The following GLIS1 variants were observed in gnomAD, a reference collection of about 807,000 sequenced individuals.
GLIS1 encodes zinc finger protein GLIS1.
A neutral mutation model predicts 63.8 loss-of-function variants in GLIS1; 24 were observed. That is an observed-to-expected ratio of 0.38 (90% CI 0.27 to 0.53). GLIS1 has a LOEUF of 0.53. Among genes scored for constraint, GLIS1 ranks in the 20% least tolerant of loss-of-function variants. The pLI is 0.85. For synonymous variants in GLIS1, 450 were observed against 482.5 expected, an observed-to-expected ratio of 0.93 and a Z score of 0.88; for missense variants, 1,036 against 1,074.1, an observed-to-expected ratio of 0.96 and a Z score of 0.50.
At chr1:53,566,907 C>A (rs1409431417) in intron 4 of GLIS1, among the ~76,000 whole-genome samples, 3 of 152,144 alleles carry the variant, frequency 2.0e-5, no homozygotes, top group Non-Finnish European at 2.9e-5. Flanking sequence ...TTAGGAAGTT[C>A]TTTATAGCAG....
At chr1:53,612,915 T>C in intron 2 of GLIS1, among the ~76,000 whole-genome samples, 1 of 151,528 alleles carries the variant, frequency 6.6e-6, no homozygotes, top group African/African-American at 2.4e-5. Flanking sequence ...GCCTCCCAGG[T>C]TTACACCATT....
intron 2 of GLIS1, among the ~76,000 whole-genome samples, chr1:53,607,084 A>C (rs1164395929): frequency 1.3e-5 from 2 of 151,440 alleles, no homozygotes; most frequent in Non-Finnish European, 2.9e-5. Context: ...ACTGCTAGCA[A>C]AATCACACAT....
intron 4 of GLIS1, among the ~76,000 whole-genome samples, chr1:53,541,992 G>A (rs1345512617): frequency 1.3e-5 from 2 of 152,250 alleles, no homozygotes; most frequent in South Asian, 4.1e-4. Context: ...AGCTAAGGAA[G>A]GGGGAGGGCC....
intron 2 of GLIS1, among the ~76,000 whole-genome samples, chr1:53,722,373 T>C (rs1367700990): frequency 6.6e-6 from 1 of 152,218 alleles, no homozygotes. Flanking sequence ...TGAACTATTA[T>C]GCACATGCAA....
At chr1:53,527,596 G>A (rs1368624337) in intron 5 of GLIS1, among the ~76,000 whole-genome samples, 2 of 152,352 alleles carry the variant, frequency 1.3e-5, no homozygotes, top group East Asian at 1.9e-4. Context: ...AAACTTTCCC[G>A]CCCATGGAGA....
intron 2 of GLIS1, among the ~76,000 whole-genome samples, chr1:53,607,111 A>G (rs1645378523): frequency 7.6e-6 from 1 of 130,844 alleles, no homozygotes; most frequent in African/African-American, 2.8e-5. Context: ...TGTAGAAAAA[A>G]TCAGAAGGTG....
At chr1:53,622,064 A>C (rs1295812878) in intron 2 of GLIS1, among the ~76,000 whole-genome samples, 1 of 151,882 alleles carries the variant, frequency 6.6e-6, no homozygotes, top group Non-Finnish European at 1.5e-5. Flanking sequence ...GGGATTACAG[A>C]CGTGCCACTG....
At chr1:53,736,457 G>A (rs1646913482) in intron 2 of GLIS1, among the ~76,000 whole-genome samples, 2 of 152,172 alleles carry the variant, frequency 1.3e-5, no homozygotes, top group African/African-American at 4.8e-5. Context: ...ATCTATTTAA[G>A]GGAGGATTGT....
chr1:53,654,245 G>T (rs1019932523), intron 2 of GLIS1, among the ~76,000 whole-genome samples: 1 of 152,338 alleles, frequency 6.6e-6, no homozygotes, highest in South Asian at 2.1e-4. Flanking sequence ...AGCAGCGAAC[G>T]AGATCAACAA....
At chr1:53,718,650 G>A (rs1197870904) in intron 2 of GLIS1, among the ~76,000 whole-genome samples, 1 of 151,924 alleles carries the variant, frequency 6.6e-6, no homozygotes, top group East Asian at 1.9e-4. Context: ...CCACACCACT[G>A]CCACTGTCCT....
rs985114149 is a variant in GLIS1 at position 53,687,845 on chromosome 1, G to C, written c.259+49961C>G. Among the ~76,000 whole-genome samples, 9 of 152,292 alleles carry C rather than the reference G, an allele frequency of 5.9e-5. No homozygotes were observed. In the East Asian group the frequency reaches 1.7e-3, roughly 29 times the overall value. ...GTGACAACTGCTCCCACTTGTGCAG[G>C]CTCCCAGGCACAGGTGCTTGACCTC... On this transcript the variant is annotated intron_variant, in intron 2 of 10. Coordinates refer to ENST00000628545, the MANE Select transcript of GLIS1 (RefSeq NM_001367484.1).
chr1:53,657,564 C>A (rs997189734), intron 2 of GLIS1, among the ~76,000 whole-genome samples: 1 of 152,114 alleles, frequency 6.6e-6, no homozygotes, highest in African/African-American at 2.4e-5. Context: ...GAGCCCTGAG[C>A]TACCACGTGA....
intron 4 of GLIS1, among the ~76,000 whole-genome samples, chr1:53,573,357 G>A (rs1645001743): frequency 6.6e-6 from 1 of 152,016 alleles, no homozygotes; most frequent in Non-Finnish European, 1.5e-5. Context: ...GTGGCGGTGG[G>A]GGGAGACCCT....
At chr1:53,538,866 G>A (rs1644609606) in intron 4 of GLIS1, among the ~76,000 whole-genome samples, 1 of 152,130 alleles carries the variant, frequency 6.6e-6, no homozygotes. Context: ...CAGTGCAGTT[G>A]AGGCATCTCC....
intron 2 of GLIS1, among the ~76,000 whole-genome samples, chr1:53,643,891 C>T (rs528968896): frequency 3.2e-4 from 48 of 152,264 alleles, no homozygotes; most frequent in Non-Finnish European, 6.0e-4. Context: ...AATCCCCACA[C>T]GATAGAAGAG....
At chr1:53,581,083 G>A (rs1472790778) in intron 4 of GLIS1, among the ~76,000 whole-genome samples, 2 of 152,222 alleles carry the variant, frequency 1.3e-5, no homozygotes, top group African/African-American at 2.4e-5. Flanking sequence ...AGTCGCAGCA[G>A]ATGGTTTCTA....
At chr1:53,536,109 A>G (rs1371536474) in intron 4 of GLIS1, among the ~76,000 whole-genome samples, 1 of 152,126 alleles carries the variant, frequency 6.6e-6, no homozygotes, top group Admixed American at 6.5e-5. Flanking sequence ...GTGCAGAGGC[A>G]TCAGCGCTCT....
chr1:53,631,635 G>A (rs182105587), intron 2 of GLIS1, among the ~76,000 whole-genome samples: 385 of 152,280 alleles, frequency 2.5e-3, no homozygotes, highest in African/African-American at 9.0e-3. Context: ...AAATTATACA[G>A]AATGTTAGTG....
intron 4 of GLIS1, among the ~76,000 whole-genome samples, chr1:53,550,871 A>G (rs1228224024): frequency 6.6e-6 from 1 of 151,994 alleles, no homozygotes; most frequent in Non-Finnish European, 1.5e-5. Context: ...ATTTTTTTTG[A>G]GACAGAGTCT....
Sources: gnomAD v4.1 joint callset for allele counts (sites outside exome capture counted in the v4.1 genomes callset) on GRCh38, gnomAD v4.1.1 for gene constraint, MANE v1.5 for transcripts, NCBI Gene and HGNC (gene_info 2026-07-23, HGNC 2026-07-21) for gene names.